Variants in PSME4 observed in about 807,000 individuals in gnomAD.
The protein encoded by PSME4 is proteasome activator subunit 4, also known as proteasome activator complex subunit 4.
In PSME4, 89 loss-of-function variants were observed where a neutral mutation model predicts 253.9. That is an observed-to-expected ratio of 0.35 (90% CI 0.30 to 0.42). The LOEUF is 0.42. PSME4 is among the 10% of genes least tolerant of loss of function. The pLI is 1.00. For synonymous variants in PSME4, 851 were observed against 759.2 expected (o/e 1.12, Z -1.99); for missense variants, 2,014 against 2,195.2 (o/e 0.92, Z 1.65).
At position 53,920,226 on chromosome 2, in the gene PSME4, T is replaced by C. The variant is rs759320470; in HGVS notation, c.2387A>G (p.Gln796Arg). 17 of 1,613,146 alleles carry C rather than the reference T, an allele frequency of 1.1e-5. No homozygotes were observed. The highest frequency in any genetic ancestry group is 1.3e-5 in the Non-Finnish European group (15 of 1,179,456). ...TTCAAGTTTTCCATCCCCACAATGC[T>C]GGAGTTTGACGAGCTCAGGCTGAAG... ...SFLQPELVKL[Q>R]HCGDGKLEMS... Residue 796 changes from glutamine to arginine, a missense_variant, in exon 19 of 47, where the codon CAG becomes CGG. Around this residue, in one of 4 missense-constraint regions of PSME4, gnomAD observed 989 missense variants for 1,021.1 expected, o/e 0.97. Transcript: ENST00000404125.
chr2:53,864,243 G>A lies in PSME4; in HGVS notation c.*1335C>T, dbSNP rs1464305588. On this transcript the variant is annotated 3_prime_UTR_variant, in exon 47 of 47. Transcript: ENST00000404125. ...AGCATGTAGATACTAAAAATATACT[G>A]TAGTGTTCCTTTAAGGAAGACTGTA... 1 of 152,286 alleles carries A rather than the reference G, an allele frequency of 6.6e-6. No individual in the cohort carries two copies. Among genetic ancestry groups the A allele is most frequent in the African/African-American group, 2.4e-5 (1 of 41,440 alleles). 9.4% of individuals were successfully genotyped at this position (152,286 alleles called of 1,614,324 possible).
chr2:53,894,904 T>C lies in PSME4; in HGVS notation c.3912+103A>G, dbSNP rs548253867. The C allele has an allele frequency of 2.6e-4, 272 of 1,041,648 alleles. 2 individuals carry two copies. The South Asian group carries it at 3.8e-3, about 15-fold the overall frequency. 64.5% of individuals were successfully genotyped at this position (1,041,648 alleles called of 1,614,324 possible). ...GCAGTGCTATACAGAAAAACACAAA[T>C]TGTATTAAGAAAAAAAAGAAGAAGA... On this transcript the variant is annotated intron_variant, in intron 34 of 46. Transcript: ENST00000404125.
intron 41 of PSME4, among the ~76,000 whole-genome samples, chr2:53,881,766 TAG>T (rs1183853167): frequency 6.6e-6 from 1 of 152,136 alleles, no homozygotes; most frequent in Non-Finnish European, 1.5e-5. Context: ...GTATTTTTAG[TAG>T]AGATGGGGTT....
In PSME4 at chr2:53,903,888, G is replaced by A. The variant is rs551523295; in HGVS notation, c.3075+137C>T. 7.4e-6 allele frequency: 5 copies of A among 674,262 alleles called. No individual in the cohort carries two copies. The South Asian group carries it at 1.2e-4, about 17-fold the overall frequency. 41.8% of individuals were successfully genotyped at this position (674,262 alleles called of 1,614,324 possible). A position where few individuals can be genotyped will look rare whatever the true frequency, so the allele number is the denominator to read the frequency against. On this transcript the variant is annotated intron_variant, in intron 27 of 46. Coordinates refer to ENST00000404125, the MANE Select transcript of PSME4 (RefSeq NM_014614.3). Reference sequence around the variant, plus strand: ...ATACATTAAAAAAAAGAACAGATATGCGATAAAGCAAATACAGCAAAATCT... The same window carrying A: ...ATACATTAAAAAAAAGAACAGATATACGATAAAGCAAATACAGCAAAATCT...
chr2:53,928,686 G>A (rs1279623145), intron 10 of PSME4, among the ~76,000 whole-genome samples: 1 of 151,988 alleles, frequency 6.6e-6, no homozygotes, highest in Non-Finnish European at 1.5e-5. Flanking sequence ...GTATACATAG[G>A]GTCCAGTACT....
At chr2:53,876,480 GT>G (rs1406023150) in intron 41 of PSME4, among the ~76,000 whole-genome samples, 2 of 151,936 alleles carry the variant, frequency 1.3e-5, no homozygotes, top group African/African-American at 4.8e-5. Flanking sequence ...GTGGTGCTGT[GT>G]ATTTCTTTCA....
intron 12 of PSME4, 138 bp from the exon 13 acceptor site, chr2:53,926,161 T>C: frequency 1.6e-6 from 1 of 620,014 alleles, no homozygotes; most frequent in East Asian, 2.8e-5. Flanking sequence ...AGCACCATGC[T>C]AGACTTCATC....
chr2:53,939,854 C>A, intron 4 of PSME4, 102 bp downstream of exon 4: 1 of 990,986 alleles, frequency 1.0e-6, no homozygotes. Flanking sequence ...ATCACAATGT[C>A]AGGAACTATT....
chr2:53,907,835 T>A (rs1466722298), intron 24 of PSME4: 1 of 153,024 alleles, frequency 6.5e-6, no homozygotes, highest in Non-Finnish European at 1.5e-5. Context: ...CTTTTTAGAC[T>A]CAATTTCAGT....
At chr2:53,929,957 G>T (rs1668744984) in intron 10 of PSME4, among the ~76,000 whole-genome samples, 1 of 151,972 alleles carries the variant, frequency 6.6e-6, no homozygotes, top group African/African-American at 2.4e-5. Flanking sequence ...GGTGGAGGTT[G>T]CAGTGAGCTG....
chr2:53,926,448 C>T (rs1362488371), intron 12 of PSME4, among the ~76,000 whole-genome samples: 2 of 152,100 alleles, frequency 1.3e-5, no homozygotes, highest in Non-Finnish European at 2.9e-5. Context: ...CCGAGGCAAG[C>T]GAATCACTTG....
intron 12 of PSME4, 102 bp downstream of exon 12, chr2:53,927,292 G>C: frequency 2.4e-6 from 2 of 837,898 alleles, no homozygotes; most frequent in Non-Finnish European, 3.9e-6. Flanking sequence ...ACAAAATAGT[G>C]ATTTTACTTC....
At chr2:53,948,109 T>C (rs758855157) in intron 3 of PSME4, among the ~76,000 whole-genome samples, 6 of 152,182 alleles carry the variant, frequency 3.9e-5, no homozygotes, top group Non-Finnish European at 7.3e-5. Context: ...CAGTCTAGTA[T>C]GAAATCACTA....
rs115559959 is a variant in PSME4 at position 53,958,328 on chromosome 2, G to T, written c.243-9045C>A. Among the ~76,000 whole-genome samples, 1,389 of 151,658 alleles carry T rather than the reference G, an allele frequency of 9.2e-3. 15 individuals are homozygous for T. The highest frequency in any genetic ancestry group is 0.032 in the African/African-American group (1,321 of 41,308). ...CTGAGATAGCACCGCTACACTCCAG[G>T]CTGGGCCACAGAGTGAGACTCCATC... On this transcript the variant is annotated intron_variant, in intron 1 of 46. Coordinates refer to ENST00000404125, the MANE Select transcript of PSME4 (RefSeq NM_014614.3).
intron 4 of PSME4, among the ~76,000 whole-genome samples, 175 bp from the exon 5 acceptor site, chr2:53,937,715 C>T (rs895504896): frequency 6.6e-6 from 1 of 152,198 alleles, no homozygotes; most frequent in Non-Finnish European, 1.5e-5. Context: ...ATAAATGCCC[C>T]AGTTGGGTGC....
At position 53,938,252 on chromosome 2, in the gene PSME4, C is replaced by T. The variant is rs1573333168; in HGVS notation, c.546-712G>A. 2.0e-5 allele frequency among the ~76,000 whole-genome samples: 3 copies of T among 152,272 alleles called. No homozygotes were observed. The East Asian group carries it at 5.8e-4, about 29-fold the overall frequency. The stretch of plus-strand genomic sequence containing the variant: ...AGAAAGAGAACATCAGTCCAGCAAT[C>T]TCTAGGCATGTTGAATAAACCATTT... On this transcript the variant is annotated intron_variant, in intron 4 of 46. Coordinates refer to ENST00000404125, the MANE Select transcript of PSME4 (RefSeq NM_014614.3).
chr2:53,900,154 T>C (rs1680329568), intron 28 of PSME4, 137 bp from the exon 29 acceptor site: 5 of 854,352 alleles, frequency 5.9e-6, no homozygotes, highest in Non-Finnish European at 5.3e-6. Context: ...TTATATGAAA[T>C]ATCTAATAAT....
chr2:53,909,791 G>C (rs1243212855), intron 21 of PSME4, among the ~76,000 whole-genome samples: 1 of 152,072 alleles, frequency 6.6e-6, no homozygotes, highest in Non-Finnish European at 1.5e-5. Context: ...GTGAAACTCT[G>C]TCTCTACTAA....
chr2:53,958,143 G>A (rs1005807016), intron 1 of PSME4, among the ~76,000 whole-genome samples: 3 of 144,880 alleles, frequency 2.1e-5, no homozygotes, highest in South Asian at 2.2e-4. Flanking sequence ...GCAAGATCGC[G>A]CCACTGCACT....
Sources: allele counts gnomAD v4.1 joint callset (sites outside exome capture counted in the v4.1 genomes callset), GRCh38; gene constraint gnomAD v4.1.1; regional missense constraint gnomAD v4.1.1; transcripts MANE v1.5; gene names NCBI Gene and HGNC (gene_info 2026-07-23, HGNC 2026-07-21).